Variants in ARHGAP22 observed in about 807,000 individuals in gnomAD.
ARHGAP22 encodes the protein Rho GTPase activating protein 22, also known as rho GTPase-activating protein 22.
In ARHGAP22, 48 loss-of-function variants were observed where a neutral mutation model predicts 59.1. The observed-to-expected ratio is 0.81, with a 90% confidence interval of 0.64 to 1.03. The LOEUF (loss-of-function observed/expected upper bound fraction) is 1.03. ARHGAP22 is among the 50% of genes least tolerant of loss of function. The pLI, the probability that ARHGAP22 is intolerant of heterozygous loss-of-function variation, is 0.00. For missense variants in ARHGAP22, 1,015 were observed against 958.7 expected, an observed-to-expected ratio of 1.06 and a Z score of -0.78; for synonymous variants, 445 against 416.4, an observed-to-expected ratio of 1.07 and a Z score of -0.84.
intron 3 of ARHGAP22, among the ~76,000 whole-genome samples, chr10:48,508,265 C>G (rs940144891): frequency 6.6e-6 from 1 of 152,258 alleles, no homozygotes; most frequent in African/African-American, 2.4e-5. Flanking sequence ...GGTATAACAG[C>G]CTCACCACTG....
intron 6 of ARHGAP22, 77 bp from the exon 7 acceptor site, chr10:48,454,238 C>A: frequency 6.2e-6 from 8 of 1,293,662 alleles, no homozygotes; most frequent in Non-Finnish European, 7.9e-6. Context: ...GAGGGGTGGG[C>A]AAAGAGAAGG....
chr10:48,444,879 A>G (rs57775594), downstream of ARHGAP22: 3 of 152,154 alleles, frequency 2.0e-5, no homozygotes, highest in Non-Finnish European at 4.4e-5. Flanking sequence ...GGAGGGTAGC[A>G]TCTCAACACC....
chr10:48,524,779 T>A (rs1414671301), intron 3 of ARHGAP22, among the ~76,000 whole-genome samples: 1 of 152,118 alleles, frequency 6.6e-6, no homozygotes, highest in Non-Finnish European at 1.5e-5. Context: ...TTTGGATAAG[T>A]CATCTCCCCT....
At chr10:48,655,258 G>GC (rs1589362382), upstream of ARHGAP22, among the ~76,000 whole-genome samples, 8 of 11,974 alleles carry the variant, frequency 6.7e-4, no homozygotes, top group Non-Finnish European at 1.3e-3. Context: ...TGTGTGTGTG[G>GC]GGGGGGGGGG....
chr10:48,433,598 C>T, the ARHGAP22 span, among the ~76,000 whole-genome samples: 6 of 152,298 alleles, frequency 3.9e-5, no homozygotes, highest in African/African-American at 1.4e-4. Flanking sequence ...TCCGTTTCAG[C>T]TCCCATCACA....
At chr10:48,558,021 G>A (rs61841202) in intron 2 of ARHGAP22, among the ~76,000 whole-genome samples, 19,154 of 152,280 alleles carry the variant, frequency 0.13, 1,596 homozygotes, top group Middle Eastern at 0.27. Flanking sequence ...AACACAGAGA[G>A]TCTGGTGTTT....
At chr10:48,441,731 C>G (rs978962275), downstream of ARHGAP22, among the ~76,000 whole-genome samples, 17 of 152,156 alleles carry the variant, frequency 1.1e-4, no homozygotes, top group African/African-American at 3.9e-4. Flanking sequence ...GGATTACAGG[C>G]GTGAGCCACC....
intron 3 of ARHGAP22, among the ~76,000 whole-genome samples, chr10:48,521,095 T>C (rs180726340): frequency 6.6e-6 from 1 of 152,346 alleles, no homozygotes; most frequent in Admixed American, 6.5e-5. Context: ...CCTCTGCTTT[T>C]AGAGGAGGCT....
intron 2 of ARHGAP22, among the ~76,000 whole-genome samples, chr10:48,579,171 T>C (rs2058955943): frequency 6.6e-6 from 1 of 152,220 alleles, no homozygotes; most frequent in South Asian, 2.1e-4. Context: ...TACTTTTCCT[T>C]TGGTCTTAGG....
the ARHGAP22 span, chr10:48,436,703 T>C: frequency 6.6e-6 from 1 of 152,248 alleles, no homozygotes; most frequent in Non-Finnish European, 1.5e-5. Flanking sequence ...GTGCAATATT[T>C]AAGATTAAAA....
intron 3 of ARHGAP22, among the ~76,000 whole-genome samples, chr10:48,508,922 T>C (rs1200629257): frequency 1.3e-5 from 2 of 152,206 alleles, no homozygotes; most frequent in African/African-American, 2.4e-5. Context: ...GGATGCCTTG[T>C]GGGTACCACT....
chr10:48,438,763 A>G, the ARHGAP22 span: 1 of 152,216 alleles, frequency 6.6e-6, no homozygotes, highest in Non-Finnish European at 1.5e-5. Flanking sequence ...TAAAGTATAT[A>G]CCTTACATCA....
chr10:48,462,251 G>C (rs1320645616), intron 4 of ARHGAP22, among the ~76,000 whole-genome samples: 1 of 131,352 alleles, frequency 7.6e-6, no homozygotes, highest in African/African-American at 2.8e-5. Flanking sequence ...TTCGGGGTGG[G>C]GGGGGGGCAC....
At chr10:48,627,435 A>G (rs1405348701) in intron 1 of ARHGAP22, among the ~76,000 whole-genome samples, 1 of 152,114 alleles carries the variant, frequency 6.6e-6, no homozygotes, top group Non-Finnish European at 1.5e-5. Flanking sequence ...ATTGAATTGA[A>G]CTGTTGGACA....
chr10:48,564,126 A>G (rs1432111740), intron 2 of ARHGAP22, among the ~76,000 whole-genome samples: 5 of 152,248 alleles, frequency 3.3e-5, no homozygotes, highest in Non-Finnish European at 5.9e-5. Context: ...AATGTCTAAA[A>G]CAACTTTAAA....
chr10:48,637,176 T>G (rs1416920424), intron 1 of ARHGAP22, among the ~76,000 whole-genome samples: 1 of 152,176 alleles, frequency 6.6e-6, no homozygotes, highest in Non-Finnish European at 1.5e-5. Flanking sequence ...GCATCCATAT[T>G]TCTGAAGCTG....
chr10:48,643,545 T>C (rs972597858), intron 1 of ARHGAP22, among the ~76,000 whole-genome samples: 27 of 148,306 alleles, frequency 1.8e-4, no homozygotes, highest in African/African-American at 5.3e-4. Flanking sequence ...TAGGTCGGAA[T>C]TGAACAATGA....
At chr10:48,564,898 ATT>A (rs990739845) in intron 2 of ARHGAP22, among the ~76,000 whole-genome samples, 3 of 152,314 alleles carry the variant, frequency 2.0e-5, no homozygotes, top group African/African-American at 7.2e-5. Flanking sequence ...GCCATAGCTC[ATT>A]TTGCAAAGAA....
At chr10:48,432,078 T>C in the ARHGAP22 span, among the ~76,000 whole-genome samples, 1 of 152,196 alleles carries the variant, frequency 6.6e-6, no homozygotes, top group Non-Finnish European at 1.5e-5. Flanking sequence ...CATTTTGTTA[T>C]CTGGCTGGCA....
Sources: allele counts gnomAD v4.1 joint callset (sites outside exome capture counted in the v4.1 genomes callset), GRCh38; gene constraint gnomAD v4.1.1; transcripts MANE v1.5; gene names NCBI Gene and HGNC (gene_info 2026-07-23, HGNC 2026-07-21).